The following IDE variants were observed in gnomAD, a reference collection of about 807,000 sequenced individuals.
IDE encodes the protein insulin-degrading enzyme.
In IDE, 58 loss-of-function variants were observed where a neutral mutation model predicts 133.2. That is an observed-to-expected ratio of 0.44 (90% CI 0.35 to 0.54). IDE has a LOEUF of 0.54. IDE is among the 20% of genes least tolerant of loss of function. The pLI is 0.00. For missense variants in IDE, 981 were observed against 1,234.0 expected (o/e 0.79, Z 3.07); for synonymous variants, 396 against 421.3 (o/e 0.94, Z 0.73).
chr10:92,531,317 T>C (rs1849911636), intron 4 of IDE, among the ~76,000 whole-genome samples: 1 of 152,224 alleles, frequency 6.6e-6, no homozygotes, highest in East Asian at 1.9e-4. Flanking sequence ...GTGTGTCTTC[T>C]ACAGTGTCCT....
chr10:92,469,573 C>A (rs1845860093), intron 18 of IDE, among the ~76,000 whole-genome samples: 1 of 152,008 alleles, frequency 6.6e-6, no homozygotes, highest in South Asian at 2.1e-4. Flanking sequence ...GGACTACAGG[C>A]ATGCACTACC....
intron 17 of IDE, among the ~76,000 whole-genome samples, chr10:92,471,710 T>A (rs116873432): frequency 0.019 from 2,939 of 152,280 alleles, 45 homozygotes; most frequent in Admixed American, 0.052. Flanking sequence ...TTGATCATTT[T>A]AAATTTTTAT....
intron 11 of IDE, among the ~76,000 whole-genome samples, chr10:92,501,361 T>TCA (rs1564627755): frequency 3.2e-5 from 1 of 30,914 alleles, no homozygotes; most frequent in African/African-American, 1.9e-4. Context: ...GACTCTGTCA[T>TCA]TAAAAAAAAA....
chr10:92,498,388 C>T (rs879898393), intron 11 of IDE, among the ~76,000 whole-genome samples: 12 of 144,518 alleles, frequency 8.3e-5, no homozygotes, highest in South Asian at 4.5e-4. Context: ...TTTGAGAGGA[C>T]GGGGTGGGTG....
intron 1 of IDE, among the ~76,000 whole-genome samples, chr10:92,540,745 G>A (rs940540482): frequency 1.3e-5 from 2 of 152,128 alleles, no homozygotes; most frequent in African/African-American, 2.4e-5. Flanking sequence ...CACTTTGGAA[G>A]TATAAATTAA....
intron 14 of IDE, among the ~76,000 whole-genome samples, chr10:92,482,421 T>C (rs1013379391): frequency 6.6e-6 from 1 of 152,286 alleles, no homozygotes; most frequent in Admixed American, 6.5e-5. Context: ...TTACTAAACA[T>C]CTTCTCCCTT....
At chr10:92,559,477 A>G (rs1843174647) in intron 1 of IDE, among the ~76,000 whole-genome samples, 1 of 152,240 alleles carries the variant, frequency 6.6e-6, no homozygotes, top group African/African-American at 2.4e-5. Context: ...CTCAATATGA[A>G]TGAACTTTGA....
At chr10:92,528,004 G>T (rs1286192502) in intron 4 of IDE, among the ~76,000 whole-genome samples, 1 of 152,124 alleles carries the variant, frequency 6.6e-6, no homozygotes, top group African/African-American at 2.4e-5. Context: ...CAATTTTAGT[G>T]TGTTTGTCTT....
intron 20 of IDE, 143 bp from the exon 21 acceptor site, chr10:92,464,146 T>A: frequency 1.3e-6 from 1 of 788,806 alleles, no homozygotes; most frequent in Non-Finnish European, 2.0e-6. Context: ...TATGAGCACT[T>A]AAGATGGTTT....
chr10:92,549,141 C>T (rs1443940394), intron 1 of IDE, among the ~76,000 whole-genome samples: 1 of 152,034 alleles, frequency 6.6e-6, no homozygotes, highest in Non-Finnish European at 1.5e-5. Context: ...ACCTGTAATC[C>T]CAGCTACTCG....
intron 1 of IDE, among the ~76,000 whole-genome samples, chr10:92,548,613 C>T (rs191890304): frequency 1.3e-5 from 2 of 152,188 alleles, no homozygotes; most frequent in Non-Finnish European, 2.9e-5. Flanking sequence ...AATGAACCAC[C>T]TCCATAACCA....
At chr10:92,458,208 A>G (rs1489535224) in intron 22 of IDE, among the ~76,000 whole-genome samples, 11 of 152,216 alleles carry the variant, frequency 7.2e-5, no homozygotes, top group African/African-American at 4.8e-5. Flanking sequence ...GGAGATATTT[A>G]TAGGTATTCT....
intron 1 of IDE, among the ~76,000 whole-genome samples, chr10:92,556,839 G>A (rs1232069513): frequency 2.6e-5 from 4 of 151,112 alleles, no homozygotes; most frequent in East Asian, 1.9e-4. Context: ...CAGGAGAATT[G>A]CTTGAACCTG....
At chr10:92,551,566 C>CAAAA (rs1232265058) in intron 1 of IDE, among the ~76,000 whole-genome samples, 4 of 66,602 alleles carry the variant, frequency 6.0e-5, no homozygotes, top group Admixed American at 1.6e-4. Flanking sequence ...GACTCCATCT[C>CAAAA]AAAAAAAAAA....
chr10:92,537,350 C>T lies in IDE; in HGVS notation c.283+16G>A. Reference sequence around the variant, plus strand: ...ATGAAACAAAACAAAGCTTAATTCACAATTTTCAATTGTACCTATGTGCAC... The same window carrying T: ...ATGAAACAAAACAAAGCTTAATTCATAATTTTCAATTGTACCTATGTGCAC... On this transcript the variant is annotated intron_variant, in intron 2 of 24. Transcript: ENST00000265986. 7.0e-6 allele frequency: 11 copies of T among 1,573,748 alleles called. No homozygotes were observed. Among genetic ancestry groups the T allele is most frequent in the Non-Finnish European group, 9.5e-6 (11 of 1,161,772 alleles).
intron 23 of IDE, 40 bp downstream of exon 23, chr10:92,456,319 G>T: frequency 7.1e-7 from 1 of 1,416,694 alleles, no homozygotes; most frequent in South Asian, 1.1e-5. Context: ...ACCATCAGAT[G>T]GCTCAACATG....
At chr10:92,539,256 G>T (rs192192095) in intron 1 of IDE, among the ~76,000 whole-genome samples, 1 of 151,756 alleles carries the variant, frequency 6.6e-6, no homozygotes, top group African/African-American at 2.4e-5. Flanking sequence ...AGGAGATACG[G>T]AATTTTAAAG....
chr10:92,473,132 C>T (rs1023158211), intron 17 of IDE, among the ~76,000 whole-genome samples: 2 of 149,260 alleles, frequency 1.3e-5, no homozygotes, highest in African/African-American at 4.9e-5. Context: ...TTAGTACAGA[C>T]GGGGATTCAC....
chr10:92,465,995 A>C, intron 19 of IDE, 152 bp from the exon 20 acceptor site: 3 of 685,956 alleles, frequency 4.4e-6, no homozygotes, highest in Non-Finnish European at 4.9e-6. Flanking sequence ...CATTGATTTC[A>C]CTTTTCTGAT....
Sources: gnomAD v4.1 joint callset for allele counts (sites outside exome capture counted in the v4.1 genomes callset) on GRCh38, gnomAD v4.1.1 for gene constraint, MANE v1.5 for transcripts, NCBI Gene and HGNC (gene_info 2026-07-23, HGNC 2026-07-21) for gene names.